The following LIN52 variants were observed in gnomAD, a reference collection of about 807,000 sequenced individuals.
LIN52 encodes the protein protein lin-52 homolog.
Under a neutral mutation model 18.5 loss-of-function variants are expected in LIN52, and 4 were observed. The observed-to-expected ratio is 0.22, with a 90% CI of 0.11 to 0.49. The LOEUF (loss-of-function observed/expected upper bound fraction) is 0.49, where lower values mean the gene tolerates loss of function less well. LIN52 is among the 20% of genes least tolerant of loss of function. LIN52 has a pLI of 0.97. For missense variants in LIN52, 102 were observed against 139.5 expected (o/e 0.73, Z 1.35); for synonymous variants, 34 against 45.5 (o/e 0.75, Z 1.02).
chr14:74,179,591 G>A (rs2061308430), intron 5 of LIN52, among the ~76,000 whole-genome samples: 1 of 151,148 alleles, frequency 6.6e-6, no homozygotes, highest in Non-Finnish European at 1.5e-5. Flanking sequence ...GGGAGGTGGA[G>A]GTTGCAGTGA....
At chr14:74,131,292 C>A (rs2061065465) in intron 5 of LIN52, among the ~76,000 whole-genome samples, 1 of 150,678 alleles carries the variant, frequency 6.6e-6, no homozygotes, top group Non-Finnish European at 1.5e-5. Flanking sequence ...GAGGGATATC[C>A]AAGAATAAAC....
chr14:74,135,097 G>A (rs1375874855), intron 5 of LIN52, among the ~76,000 whole-genome samples: 13 of 152,160 alleles, frequency 8.5e-5, no homozygotes, highest in African/African-American at 3.1e-4. Flanking sequence ...ACAGAGTCTT[G>A]CTCTGTCGCC....
intron 5 of LIN52, among the ~76,000 whole-genome samples, chr14:74,115,008 A>G (rs2060955919): frequency 6.6e-6 from 1 of 152,228 alleles, no homozygotes. Flanking sequence ...TCTATACAGT[A>G]GACATCCAAT....
At chr14:74,190,072 A>G (rs1226159847) in intron 5 of LIN52, among the ~76,000 whole-genome samples, 1 of 152,170 alleles carries the variant, frequency 6.6e-6, no homozygotes, top group African/African-American at 2.4e-5. Flanking sequence ...AGAGTTCAAG[A>G]CCAGTTCAAC....
intron 5 of LIN52, among the ~76,000 whole-genome samples, chr14:74,102,997 A>G (rs2060869302): frequency 6.6e-6 from 1 of 152,182 alleles, no homozygotes; most frequent in Non-Finnish European, 1.5e-5. Flanking sequence ...TTTAAAGCAA[A>G]TTCCAGGCAT....
At chr14:74,097,542 C>T (rs1189814767) in intron 3 of LIN52, among the ~76,000 whole-genome samples, 2 of 150,852 alleles carry the variant, frequency 1.3e-5, no homozygotes, top group East Asian at 2.0e-4. Context: ...AAGCAATTCT[C>T]GTGCCTCACC....
At chr14:74,094,686 A>G (rs1392790886) in intron 2 of LIN52, among the ~76,000 whole-genome samples, 1 of 152,126 alleles carries the variant, frequency 6.6e-6, no homozygotes, top group African/African-American at 2.4e-5. Flanking sequence ...ATTAGATGTT[A>G]CTAATCTATT....
At chr14:74,131,915 T>C (rs72627161) in intron 5 of LIN52, among the ~76,000 whole-genome samples, 20,937 of 152,108 alleles carry the variant, frequency 0.14, 2,031 homozygotes, top group East Asian at 0.58. Context: ...ATCTTAGAGA[T>C]AGAGTCACAA....
intron 5 of LIN52, chr14:74,114,392 G>T: frequency 2.0e-6 from 2 of 985,498 alleles, no homozygotes; most frequent in Non-Finnish European, 2.4e-6. Flanking sequence ...GGAATCCAGG[G>T]TGAAGGATTG....
At chr14:74,179,893 G>T (rs2061310617) in intron 5 of LIN52, among the ~76,000 whole-genome samples, 2 of 152,134 alleles carry the variant, frequency 1.3e-5, no homozygotes, top group Admixed American at 1.3e-4. Context: ...TAGGCTAATG[G>T]TTTTCAGACT....
intron 5 of LIN52, among the ~76,000 whole-genome samples, chr14:74,123,548 G>A (rs2061011087): frequency 6.6e-6 from 1 of 152,198 alleles, no homozygotes; most frequent in African/African-American, 2.4e-5. Context: ...CTAGAGCACA[G>A]GGAATTTGGA....
At chr14:74,104,784 T>C (rs1267883814) in intron 5 of LIN52, among the ~76,000 whole-genome samples, 2 of 151,728 alleles carry the variant, frequency 1.3e-5, no homozygotes, top group Non-Finnish European at 2.9e-5. Context: ...AACCCAGAAT[T>C]TGAAAAATCT....
intron 5 of LIN52, among the ~76,000 whole-genome samples, chr14:74,119,287 G>A (rs529625705): frequency 6.7e-5 from 10 of 149,580 alleles, no homozygotes; most frequent in Admixed American, 3.4e-4. Flanking sequence ...TCAGCCTCCC[G>A]AATAGCTAGG....
chr14:74,154,843 C>T (rs1027841275), intron 5 of LIN52, among the ~76,000 whole-genome samples: 1 of 152,054 alleles, frequency 6.6e-6, no homozygotes, highest in Non-Finnish European at 1.5e-5. Context: ...TGTGTTCCGG[C>T]CTGGTGTTGG....
At chr14:74,135,593 T>C (rs1297915471) in intron 5 of LIN52, among the ~76,000 whole-genome samples, 1 of 152,254 alleles carries the variant, frequency 6.6e-6, no homozygotes, top group Non-Finnish European at 1.5e-5. Context: ...GGTGATGTGA[T>C]ACAAAATTGT....
intron 5 of LIN52, among the ~76,000 whole-genome samples, chr14:74,123,959 A>G (rs996091327): frequency 6.6e-6 from 1 of 152,222 alleles, no homozygotes; most frequent in Admixed American, 6.5e-5. Context: ...AGGTAATAAT[A>G]ATGCCTCTTA....
At chr14:74,167,645 T>C (rs534129930) in intron 5 of LIN52, among the ~76,000 whole-genome samples, 1 of 152,330 alleles carries the variant, frequency 6.6e-6, no homozygotes, top group Admixed American at 6.5e-5. Context: ...CTAAATGCTA[T>C]TTGACAAGTG....
At chr14:74,138,165 C>T (rs2061108623) in intron 5 of LIN52, among the ~76,000 whole-genome samples, 1 of 152,166 alleles carries the variant, frequency 6.6e-6, no homozygotes, top group African/African-American at 2.4e-5. Flanking sequence ...TTTTTCACAC[C>T]ATGCTCCCTT....
intron 5 of LIN52, among the ~76,000 whole-genome samples, chr14:74,186,634 CA>C (rs1345714510): frequency 6.6e-6 from 1 of 152,004 alleles, no homozygotes; most frequent in South Asian, 2.1e-4. Flanking sequence ...GACCCTGTCT[CA>C]GGGGGAACAA....
Sources: gnomAD v4.1 joint callset for allele counts (sites outside exome capture counted in the v4.1 genomes callset) on GRCh38, gnomAD v4.1.1 for gene constraint, MANE v1.5 for transcripts, NCBI Gene and HGNC (gene_info 2026-07-23, HGNC 2026-07-21) for gene names.